XXYLT1: variants seen among roughly 807,000 people sequenced by gnomAD.
XXYLT1 encodes xyloside xylosyltransferase 1.
In XXYLT1, 20 loss-of-function variants were observed where a neutral mutation model predicts 28.9. The observed-to-expected ratio is 0.69, with a 90% CI of 0.49 to 1.00. The LOEUF is 1.00. XXYLT1 is among the 50% of genes least tolerant of loss of function. The pLI is 0.00. For missense variants in XXYLT1, 542 were observed against 560.1 expected, an observed-to-expected ratio of 0.97 and a Z score of 0.33; for synonymous variants, 257 against 253.8, an observed-to-expected ratio of 1.01 and a Z score of -0.12.
intron 1 of XXYLT1, among the ~76,000 whole-genome samples, chr3:195,233,609 A>T (rs1048549755): frequency 6.6e-6 from 1 of 152,238 alleles, no homozygotes; most frequent in Non-Finnish European, 1.5e-5. Context: ...TACATAAACA[A>T]ACATACTAAA....
chr3:195,154,117 A>T (rs1720432129), intron 3 of XXYLT1: 1 of 152,154 alleles, frequency 6.6e-6, no homozygotes, highest in East Asian at 1.9e-4. Flanking sequence ...AGGGCAGGAG[A>T]GGGCTCCACC....
intron 3 of XXYLT1, among the ~76,000 whole-genome samples, chr3:195,146,247 G>A (rs1227133293): frequency 6.6e-6 from 1 of 152,210 alleles, no homozygotes; most frequent in Non-Finnish European, 1.5e-5. Context: ...GGTCCCTCTT[G>A]TACACATGCC....
intron 2 of XXYLT1, among the ~76,000 whole-genome samples, chr3:195,225,784 T>C (rs1229677606): frequency 2.0e-5 from 3 of 152,122 alleles, no homozygotes; most frequent in Admixed American, 2.0e-4. Context: ...CTCATGCTGT[T>C]CTCATGCTAG....
chr3:195,218,679 G>A (rs925448367), intron 2 of XXYLT1, among the ~76,000 whole-genome samples: 1 of 151,942 alleles, frequency 6.6e-6, no homozygotes, highest in Non-Finnish European at 1.5e-5. Context: ...GTGCTGGAGA[G>A]GATGTGGAGA....
At chr3:195,082,612 G>A (rs1715497111) in intron 3 of XXYLT1, among the ~76,000 whole-genome samples, 1 of 152,206 alleles carries the variant, frequency 6.6e-6, no homozygotes, top group Non-Finnish European at 1.5e-5. Context: ...CAGCACTTTG[G>A]GAGGCTGAGG....
intron 3 of XXYLT1, among the ~76,000 whole-genome samples, chr3:195,107,084 A>G (rs1257208751): frequency 6.6e-6 from 1 of 152,194 alleles, no homozygotes; most frequent in Non-Finnish European, 1.5e-5. Flanking sequence ...TGCCTGGTGG[A>G]ATGGAGAGCT....
intron 3 of XXYLT1, chr3:195,122,006 C>T (rs892664160): frequency 2.4e-5 from 17 of 702,510 alleles, no homozygotes; most frequent in East Asian, 8.0e-5. Context: ...GCCCATAAAC[C>T]ACAGAAGTCA....
At chr3:195,166,365 C>T (rs868216098) in intron 2 of XXYLT1, among the ~76,000 whole-genome samples, 14 of 152,292 alleles carry the variant, frequency 9.2e-5, no homozygotes, top group African/African-American at 2.4e-4. Context: ...ACTGACAGAA[C>T]TGCAGCTGAG....
intron 2 of XXYLT1, among the ~76,000 whole-genome samples, chr3:195,197,575 T>C (rs547503104): frequency 3.3e-5 from 5 of 152,286 alleles, no homozygotes; most frequent in South Asian, 2.1e-4. Flanking sequence ...AGAAACACTA[T>C]GTACCTAAAG....
chr3:195,208,171 A>G (rs1002745386), intron 2 of XXYLT1, among the ~76,000 whole-genome samples: 2 of 152,200 alleles, frequency 1.3e-5, no homozygotes, highest in African/African-American at 2.4e-5. Context: ...ATACCCCAAC[A>G]GAGGTGGTAT....
chr3:195,215,989 A>G (rs2108786860), intron 2 of XXYLT1, among the ~76,000 whole-genome samples: 1 of 151,822 alleles, frequency 6.6e-6, no homozygotes, highest in East Asian at 2.0e-4. Flanking sequence ...ACCACAGTGC[A>G]ATCAAACTAG....
intron 2 of XXYLT1, among the ~76,000 whole-genome samples, chr3:195,224,598 C>A (rs1292865692): frequency 6.6e-6 from 1 of 152,230 alleles, no homozygotes; most frequent in Non-Finnish European, 1.5e-5. Context: ...ATTTCACCTC[C>A]TGCTGGGTAC....
intron 1 of XXYLT1, among the ~76,000 whole-genome samples, chr3:195,263,014 G>A (rs954226400): frequency 6.6e-5 from 10 of 152,166 alleles, no homozygotes; most frequent in Admixed American, 2.0e-4. Flanking sequence ...TCAGGTGCAA[G>A]GTGCCTGCTG....
Position 195,268,552 on chromosome 3 carries a change from C to G in XXYLT1, c.504+2003G>C, listed in dbSNP as rs143775486. Among the ~76,000 whole-genome samples, 49 of 151,730 alleles carry G rather than the reference C, an allele frequency of 3.2e-4. No homozygotes were observed. In the East Asian group the frequency reaches 7.6e-3, roughly 23 times the overall value. On this transcript the variant is annotated intron_variant, in intron 1 of 3. Transcript: ENST00000310380. ...GGCAGAGGTTGCAGTGAGCTGAGAT[C>G]GTGCCACTGCACTCCAGCCTAGGCA...
intron 3 of XXYLT1, among the ~76,000 whole-genome samples, chr3:195,086,312 C>A (rs532518061): frequency 1.3e-5 from 2 of 152,228 alleles, no homozygotes; most frequent in Non-Finnish European, 2.9e-5. Flanking sequence ...ATCATTACGA[C>A]GGCTTTATCA....
intron 3 of XXYLT1, among the ~76,000 whole-genome samples, chr3:195,089,866 G>C (rs1351002886): frequency 6.6e-6 from 1 of 151,908 alleles, no homozygotes; most frequent in Non-Finnish European, 1.5e-5. Context: ...AAAAAGGCAG[G>C]GGTTGCAATC....
chr3:195,225,792 TAGTG>T (rs1724023163), intron 2 of XXYLT1, among the ~76,000 whole-genome samples: 1 of 152,172 alleles, frequency 6.6e-6, no homozygotes, highest in African/African-American at 2.4e-5. Flanking sequence ...GTTCTCATGC[TAGTG>T]AGTGAGTTCT....
intron 3 of XXYLT1, among the ~76,000 whole-genome samples, chr3:195,083,544 T>A (rs1186719541): frequency 1.3e-5 from 2 of 152,070 alleles, no homozygotes; most frequent in Non-Finnish European, 2.9e-5. Flanking sequence ...AGGCTGGCAA[T>A]AAATATTTGT....
chr3:195,233,330 T>C (rs1724383507), intron 1 of XXYLT1, among the ~76,000 whole-genome samples: 1 of 152,214 alleles, frequency 6.6e-6, no homozygotes, highest in African/African-American at 2.4e-5. Flanking sequence ...CATTCACTCT[T>C]TGTCTTTTGA....
Sources: allele counts gnomAD v4.1 joint callset (sites outside exome capture counted in the v4.1 genomes callset), GRCh38; gene constraint gnomAD v4.1.1; transcripts MANE v1.5; gene names NCBI Gene and HGNC (gene_info 2026-07-23, HGNC 2026-07-21).